The following FOXP2 variants were observed in gnomAD, a reference collection of about 807,000 sequenced individuals.
FOXP2 encodes forkhead box P2.
Under a neutral mutation model 115.8 loss-of-function variants are expected in FOXP2, and 12 were observed. The observed-to-expected ratio is 0.10, with a 90% confidence interval of 0.07 to 0.17. The LOEUF (loss-of-function observed/expected upper bound fraction) is 0.17, where lower values mean the gene tolerates loss of function less well. FOXP2 is among the 10% of genes least tolerant of loss of function. The pLI is 1.00. For missense variants in FOXP2, 629 were observed against 843.5 expected, an observed-to-expected ratio of 0.75 and a Z score of 3.15; for synonymous variants, 328 against 297.7, an observed-to-expected ratio of 1.10 and a Z score of -1.05.
chr7:114,117,508 C>T (rs1331480571), intron 1 of FOXP2, among the ~76,000 whole-genome samples: 1 of 152,092 alleles, frequency 6.6e-6, no homozygotes, highest in Admixed American at 6.6e-5. Flanking sequence ...AGGCATGAGC[C>T]ACCATGCCAT....
intron 2 of FOXP2, among the ~76,000 whole-genome samples, chr7:114,333,564 C>T (rs1361108175): frequency 6.6e-6 from 1 of 152,146 alleles, no homozygotes; most frequent in Non-Finnish European, 1.5e-5. Flanking sequence ...ATCAGCCTGG[C>T]TAAAATGGTG....
chr7:114,110,529 A>C (rs1417471381), intron 1 of FOXP2, among the ~76,000 whole-genome samples: 1 of 151,964 alleles, frequency 6.6e-6, no homozygotes, highest in East Asian at 1.9e-4. Flanking sequence ...TATACTCTTT[A>C]CTATTTTTCA....
rs569500401 is a variant in FOXP2 at position 114,183,403 on chromosome 7, TTTAA to T, written c.-102+20319_-102+20322del. 2.8e-3 allele frequency among the ~76,000 whole-genome samples: 428 copies of T among 152,260 alleles called. 1 individual carries two copies. The highest frequency in any genetic ancestry group is 6.2e-3 in the Admixed American group (94 of 15,266). On this transcript the variant is annotated intron_variant, in intron 1 of 17. Coordinates refer to the FOXP2 transcript ENST00000634411. ...ATAAATTATATTTCACTCTTATATA[TTTAA>T]TTATCATTTATACAACTAGCATATT...
chr7:114,170,863 G>A (rs1793118153), intron 1 of FOXP2, among the ~76,000 whole-genome samples: 1 of 152,240 alleles, frequency 6.6e-6, no homozygotes, highest in South Asian at 2.1e-4. Context: ...AGAAGCTGCA[G>A]CAAGTTATCC....
chr7:114,415,044 G>C lies in FOXP2; in HGVS notation c.-327G>C. The C allele has an allele frequency of 2.2e-6, 1 of 454,048 alleles. No homozygotes were observed. The highest frequency in any genetic ancestry group is 4.4e-6 in the Non-Finnish European group (1 of 226,580). 28.1% of individuals were successfully genotyped at this position (454,048 alleles called of 1,614,324 possible). ...CGTTGCACACCAAAGACATACCCTAGTGATTAAATGCTGATTTTGTGTACG... is the reference window on the plus strand; with the variant it reads ...CGTTGCACACCAAAGACATACCCTACTGATTAAATGCTGATTTTGTGTACG... On this transcript the variant is annotated 5_prime_UTR_variant, in exon 1 of 17. Transcript: ENST00000350908.
intron 2 of FOXP2, among the ~76,000 whole-genome samples, chr7:114,340,793 C>A (rs1276375071): frequency 6.6e-6 from 1 of 151,132 alleles, no homozygotes; most frequent in Non-Finnish European, 1.5e-5. Context: ...AAGAATTAAA[C>A]TTCTAGAGTG....
At chr7:114,245,221 GCT>G (rs1358869440) in intron 1 of FOXP2, among the ~76,000 whole-genome samples, 1 of 151,804 alleles carries the variant, frequency 6.6e-6, no homozygotes, top group Non-Finnish European at 1.5e-5. Flanking sequence ...TGCCATCCTT[GCT>G]CTCTTTTTCC....
At chr7:114,345,468 G>A (rs956163953) in intron 2 of FOXP2, among the ~76,000 whole-genome samples, 1 of 151,788 alleles carries the variant, frequency 6.6e-6, no homozygotes, top group Non-Finnish European at 1.5e-5. Flanking sequence ...GTGGTTAACA[G>A]TTGTTTTCAA....
At chr7:114,550,434 A>G (rs1394133787) in intron 3 of FOXP2, among the ~76,000 whole-genome samples, 1 of 152,032 alleles carries the variant, frequency 6.6e-6, no homozygotes, top group Non-Finnish European at 1.5e-5. Context: ...CTTTTGAAGA[A>G]GGTATTTCTT....
Position 114,294,841 on chromosome 7 carries a change from A to AAAATAAATAAAT in FOXP2, c.-11+6746_-11+6757dup, listed in dbSNP as rs201482409. 4.1e-3 allele frequency among the ~76,000 whole-genome samples: 568 copies of AAAATAAATAAAT among 139,904 alleles called. 2 individuals carry two copies. Among genetic ancestry groups the AAAATAAATAAAT allele is most frequent in the South Asian group, 8.9e-3 (35 of 3,938 alleles). 91.8% of individuals were successfully genotyped at this position (139,904 alleles called of 152,430 possible). A position where few individuals can be genotyped will look rare whatever the true frequency, so the allele number is the denominator to read the frequency against. On this transcript the variant is annotated intron_variant, in intron 2 of 17. Transcript: ENST00000634411. ...GGGCAACAGAAGGAGACACTGCCTCAAAATAAATAAATAAATAAATAAATA... is the reference window on the plus strand; with the variant it reads ...GGGCAACAGAAGGAGACACTGCCTCAAAATAAATAAATAAATAAATAAATAAATAAATAAATA...
At chr7:114,182,706 A>G (rs999509945) in intron 1 of FOXP2, among the ~76,000 whole-genome samples, 3 of 152,072 alleles carry the variant, frequency 2.0e-5, no homozygotes, top group South Asian at 2.1e-4. Flanking sequence ...ATACGTCTAT[A>G]GAAATAGAAT....
intron 16 of FOXP2, among the ~76,000 whole-genome samples, chr7:114,677,890 G>C (rs759981543): frequency 6.6e-6 from 1 of 152,258 alleles, no homozygotes; most frequent in Non-Finnish European, 1.5e-5. Flanking sequence ...AACATTTATT[G>C]AACACCTATT....
intron 2 of FOXP2, among the ~76,000 whole-genome samples, chr7:114,308,128 T>G (rs1280593673): frequency 6.6e-6 from 1 of 152,122 alleles, no homozygotes; most frequent in Non-Finnish European, 1.5e-5. Flanking sequence ...AATTTCATCT[T>G]TTTTCCAGAC....
At chr7:114,659,310 A>G (rs1195313188) in intron 11 of FOXP2, 46 bp from the exon 12 acceptor site, 2 of 1,300,302 alleles carry the variant, frequency 1.5e-6, no homozygotes, top group Non-Finnish European at 2.2e-6. Flanking sequence ...AATTATATAT[A>G]ATGTGAATTA....
intron 2 of FOXP2, among the ~76,000 whole-genome samples, chr7:114,302,827 C>T (rs1796909472): frequency 6.6e-6 from 1 of 152,110 alleles, no homozygotes; most frequent in African/African-American, 2.4e-5. Context: ...GAAATGGCCA[C>T]ATGGTAAGGA....
intron 3 of FOXP2, among the ~76,000 whole-genome samples, chr7:114,609,141 A>G (rs535663827): frequency 4.6e-5 from 7 of 151,804 alleles, no homozygotes; most frequent in Non-Finnish European, 7.4e-5. Context: ...TGAACCCAGG[A>G]GTCGGAGGTT....
chr7:114,381,906 G>A (rs1283951907), intron 2 of FOXP2, among the ~76,000 whole-genome samples: 4 of 152,058 alleles, frequency 2.6e-5, no homozygotes, highest in African/African-American at 4.8e-5. Context: ...TGAACAGGAC[G>A]GGCATTCTTT....
At chr7:114,350,918 G>A (rs965535145) in intron 2 of FOXP2, among the ~76,000 whole-genome samples, 7 of 152,100 alleles carry the variant, frequency 4.6e-5, no homozygotes, top group African/African-American at 1.2e-4. Context: ...TAGTATTTGC[G>A]TATAACCTAC....
At chr7:114,393,248 A>G (rs575643921) in intron 2 of FOXP2, among the ~76,000 whole-genome samples, 2 of 151,796 alleles carry the variant, frequency 1.3e-5, no homozygotes, top group African/African-American at 2.4e-5. Context: ...TTAAAATAAC[A>G]ACGACTCCTC....
Sources: gnomAD v4.1 joint callset for allele counts (sites outside exome capture counted in the v4.1 genomes callset) on GRCh38, gnomAD v4.1.1 for gene constraint, MANE v1.5 for transcripts, NCBI Gene and HGNC (gene_info 2026-07-23, HGNC 2026-07-21) for gene names.